The following GPR161 variants were observed in gnomAD, a reference collection of about 807,000 sequenced individuals.
The protein encoded by GPR161 is G-protein coupled receptor RE2.
GPR161 carries 25 observed loss-of-function variants against 39.2 expected under a neutral mutation model. The observed-to-expected ratio is 0.64, with a 90% CI of 0.47 to 0.89. GPR161 has a LOEUF of 0.89. Ranked by LOEUF, GPR161 falls within the 40% of genes least tolerant of loss-of-function variation. The probability of loss-of-function intolerance (pLI) is 0.00; values close to 1 mark genes in which losing one functional copy is unlikely to be tolerated. For missense variants in GPR161, 547 were observed against 677.8 expected, an observed-to-expected ratio of 0.81 and a Z score of 2.14; for synonymous variants, 286 against 276.6, an observed-to-expected ratio of 1.03 and a Z score of -0.34.
At chr1:168,132,208 T>G (rs1648888309) in intron 1 of GPR161, among the ~76,000 whole-genome samples, 1 of 151,800 alleles carries the variant, frequency 6.6e-6, no homozygotes, top group East Asian at 1.9e-4. Context: ...GATGTTGCAG[T>G]GAGCCGAGAT....
chr1:168,118,043 A>G (rs921811138), intron 1 of GPR161, among the ~76,000 whole-genome samples: 1 of 152,208 alleles, frequency 6.6e-6, no homozygotes, highest in Non-Finnish European at 1.5e-5. Context: ...CCACACAGAC[A>G]ATATATCAAG....
chr1:168,085,562 T>C lies in GPR161; in HGVS notation c.1559A>G (p.Glu520Gly), dbSNP rs767007902. The part of the protein sequence containing the change: ...SQRLQLQSIE[E>G]GDVLAAEQR ...CTGCTCGGCAGCTAAAACATCTCCT[T>C]CTTCGATGCTCTGCAACTGCAGCCT... Residue 520 changes from glutamate (E) to glycine (G), a missense_variant, in exon 6 of 6, where the codon GAA (glutamate) becomes GGA (glycine). Coordinates refer to ENST00000682931, the MANE Select transcript of GPR161 (RefSeq NM_001375883.1). The C allele has an allele frequency of 1.4e-5, 23 of 1,613,688 alleles. 1 individual carries two copies. The highest frequency in any genetic ancestry group is 8.8e-5 in the South Asian group (8 of 91,052).
intron 3 of GPR161, among the ~76,000 whole-genome samples, chr1:168,091,516 A>G (rs1331975817): frequency 6.6e-6 from 1 of 152,210 alleles, no homozygotes; most frequent in African/African-American, 2.4e-5. Flanking sequence ...GCCCTGCCAG[A>G]CCAACCCACA....
chr1:168,110,333 A>T (rs1031345682), intron 1 of GPR161, among the ~76,000 whole-genome samples: 49 of 151,582 alleles, frequency 3.2e-4, no homozygotes, highest in Admixed American at 3.0e-3. Flanking sequence ...GTGAAACCTC[A>T]TCTCTACAGA....
intron 1 of GPR161, chr1:168,135,103 GC>G (rs1227827269): frequency 6.9e-7 from 1 of 1,444,682 alleles, no homozygotes; most frequent in African/African-American, 1.4e-5. Flanking sequence ...TGTCAAGCGG[GC>G]CTCTTAATGA....
intron 1 of GPR161, among the ~76,000 whole-genome samples, chr1:168,126,893 A>G (rs1178239830): frequency 6.6e-6 from 1 of 152,182 alleles, no homozygotes; most frequent in African/African-American, 2.4e-5. Flanking sequence ...CTACACTAAT[A>G]TCCACTTAAA....
intron 4 of GPR161, chr1:168,089,043 A>C (rs1444499581): frequency 6.6e-6 from 1 of 152,206 alleles, no homozygotes; most frequent in African/African-American, 2.4e-5. Context: ...AAAGTATACA[A>C]TTCAATGAGA....
intron 2 of GPR161, among the ~76,000 whole-genome samples, chr1:168,099,276 G>A (rs933518697): frequency 2.0e-5 from 3 of 152,132 alleles, no homozygotes; most frequent in African/African-American, 7.2e-5. Context: ...AATGTGAGGG[G>A]GTTGCTAGGG....
At position 168,085,662 on chromosome 1, in the gene GPR161, C is replaced by T. The variant is rs1694416245; in HGVS notation, c.1459G>A (p.Val487Ile). 1 of 1,614,262 alleles carries T rather than the reference C, an allele frequency of 6.2e-7. No homozygotes were observed. Among genetic ancestry groups the T allele is most frequent in the Non-Finnish European group, 8.5e-7 (1 of 1,180,050 alleles). Residue 487 changes from valine to isoleucine, a missense_variant, in exon 6 of 6, where the codon GTC (valine) becomes ATC (isoleucine). By Grantham distance (29) the Val-to-Ile change is conservative. Coordinates refer to ENST00000682931, the MANE Select transcript of GPR161 (RefSeq NM_001375883.1). The part of the protein sequence containing the change: ...NLFGEEALPG[V>I]LVTARTVPGG... The stretch of plus-strand genomic sequence containing the variant: ...GGGACAGTCCGTGCTGTAACCAAGA[C>T]CCCTGGCAAAGCCTCCTCCCCAAAT...
chr1:168,120,257 A>G (rs1698057566), intron 1 of GPR161, among the ~76,000 whole-genome samples: 1 of 152,186 alleles, frequency 6.6e-6, no homozygotes, highest in African/African-American at 2.4e-5. Context: ...ATAGAGTCAA[A>G]GGAGATTTTG....
At chr1:168,088,250 T>TGGGCAGAGC (rs766865686) in intron 4 of GPR161, 62 of 152,968 alleles carry the variant, frequency 4.1e-4, no homozygotes, top group Non-Finnish European at 7.9e-4. Flanking sequence ...TAGAGATAGG[T>TGGGCAGAGC]GGGCAGAGCA....
At chr1:168,120,996 A>T (rs1698118819) in intron 1 of GPR161, among the ~76,000 whole-genome samples, 1 of 152,236 alleles carries the variant, frequency 6.6e-6, no homozygotes, top group African/African-American at 2.4e-5. Context: ...ACCATAATTT[A>T]AAAATTTTGG....
At chr1:168,103,395 T>G (rs1473019402) in intron 2 of GPR161, among the ~76,000 whole-genome samples, 1 of 151,506 alleles carries the variant, frequency 6.6e-6, no homozygotes, top group Non-Finnish European at 1.5e-5. Context: ...ATTTCATTCA[T>G]TATATTTTCT....
intron 1 of GPR161, among the ~76,000 whole-genome samples, chr1:168,130,364 CA>C (rs746977400): frequency 1.3e-5 from 2 of 152,144 alleles, no homozygotes; most frequent in African/African-American, 4.8e-5. Flanking sequence ...GGGAGAAGGA[CA>C]GTTCCCCTTT....
chr1:168,090,534 G>C (rs752449990), intron 4 of GPR161, 30 bp downstream of exon 4: 6 of 1,291,228 alleles, frequency 4.6e-6, no homozygotes, highest in Admixed American at 1.7e-5. Context: ...AAACGCGACA[G>C]GTGAGAGGCT....
At chr1:168,089,456 G>C (rs1406202398) in intron 4 of GPR161, 1 of 152,236 alleles carries the variant, frequency 6.6e-6, no homozygotes, top group Non-Finnish European at 1.5e-5. Context: ...CAACCCCAAG[G>C]CTCACCCCTG....
chr1:168,110,615 C>A (rs1476589692), intron 1 of GPR161, among the ~76,000 whole-genome samples: 1 of 145,278 alleles, frequency 6.9e-6, no homozygotes, highest in Non-Finnish European at 1.5e-5. Context: ...AAAACCAATA[C>A]AAGTAAAAGC....
At position 168,086,749 on chromosome 1, in the gene GPR161, C is replaced by T. The variant is rs145713077; in HGVS notation, c.1324+836G>A. On this transcript the variant is annotated intron_variant, in intron 5 of 5. Coordinates refer to ENST00000682931, the MANE Select transcript of GPR161 (RefSeq NM_001375883.1). The stretch of plus-strand genomic sequence containing the variant: ...AAGCCCATGAGGCTGCTGGCCCAAG[C>T]TCTGTTCTATAATCTGCTTTGCCAG... Among the ~76,000 whole-genome samples the T allele has an allele frequency of 4.9e-3, 747 of 152,324 alleles. 5 individuals carry two copies. Among genetic ancestry groups the T allele is most frequent in the African/African-American group, 0.017 (709 of 41,576 alleles).
In GPR161 at chr1:168,102,916, A is replaced by ATTTT. The variant is rs1179631011; in HGVS notation, c.374+1560_374+1561insAAAA. 1.6e-3 allele frequency among the ~76,000 whole-genome samples: 247 copies of ATTTT among 151,900 alleles called. 1 individual carries two copies. The South Asian group carries it at 0.018, about 11-fold the overall frequency. ...ACAAACTTCCAAACTTTTTTTTAAA[A>ATTTT]AAAAATTATATAATCAGTCCTGATA... is the stretch of plus-strand genomic sequence containing the variant. On this transcript the variant is annotated intron_variant, in intron 2 of 5. Coordinates refer to ENST00000682931, the MANE Select transcript of GPR161 (RefSeq NM_001375883.1).
Sources: gnomAD v4.1 joint callset for allele counts (sites outside exome capture counted in the v4.1 genomes callset) on GRCh38, gnomAD v4.1.1 for gene constraint, MANE v1.5 for transcripts, NCBI Gene and HGNC (gene_info 2026-07-23, HGNC 2026-07-21) for gene names.